The following CDH18 variants were observed in gnomAD, a reference collection of about 807,000 sequenced individuals.
The protein encoded by CDH18 is cadherin-18.
A neutral mutation model predicts 67.9 loss-of-function variants in CDH18; 31 were observed. The ratio of observed to expected loss-of-function variants is 0.46; its 90% CI spans 0.34 to 0.62. The LOEUF is 0.62. CDH18 is among the 20% of genes least tolerant of loss of function. The pLI, the probability that CDH18 is intolerant of heterozygous loss-of-function variation, is 0.01. For missense variants in CDH18, 890 were observed against 975.5 expected (o/e 0.91, Z 1.17); for synonymous variants, 362 against 347.2 (o/e 1.04, Z -0.48).
intron 4 of CDH18, among the ~76,000 whole-genome samples, chr5:19,741,330 TCACACACACACACA>T (rs60803879): frequency 1.4e-5 from 2 of 145,656 alleles, no homozygotes; most frequent in African/African-American, 5.1e-5. Context: ...TATACATGTC[TCACACACACACACA>T]CACACACACA....
At chr5:19,733,169 T>C (rs1163005180) in intron 4 of CDH18, among the ~76,000 whole-genome samples, 4 of 152,090 alleles carry the variant, frequency 2.6e-5, no homozygotes, top group African/African-American at 9.7e-5. Flanking sequence ...CCAAAGACAG[T>C]TCAAAGCCTG....
intron 1 of CDH18, among the ~76,000 whole-genome samples, chr5:20,563,242 C>T (rs187030928): frequency 1.0e-3 from 156 of 151,996 alleles, no homozygotes; most frequent in African/African-American, 3.5e-3. Flanking sequence ...TTGGTGTCAA[C>T]GGAAATGTTG....
At chr5:20,170,837 T>C (rs11955556) in intron 2 of CDH18, among the ~76,000 whole-genome samples, 10,774 of 152,072 alleles carry the variant, frequency 0.071, 433 homozygotes, top group East Asian at 0.14. Context: ...TCTTTTTTTT[T>C]CTGCTCCTCT....
At chr5:19,666,577 A>G (rs963108324) in intron 5 of CDH18, among the ~76,000 whole-genome samples, 5 of 152,056 alleles carry the variant, frequency 3.3e-5, no homozygotes, top group African/African-American at 4.8e-5. Context: ...GAATCTGGAC[A>G]GGTTGAACTT....
intron 2 of CDH18, among the ~76,000 whole-genome samples, chr5:19,891,367 A>G (rs970724181): frequency 6.6e-6 from 1 of 152,184 alleles, no homozygotes; most frequent in Non-Finnish European, 1.5e-5. Context: ...TCAAAGGTTC[A>G]TGACTAAGAG....
At chr5:20,021,306 T>C (rs1738400144) in intron 2 of CDH18, among the ~76,000 whole-genome samples, 1 of 152,138 alleles carries the variant, frequency 6.6e-6, no homozygotes, top group African/African-American at 2.4e-5. Context: ...AAGTTAATGC[T>C]GAAATGAGTT....
At chr5:20,333,125 T>C (rs187623655) in intron 1 of CDH18, among the ~76,000 whole-genome samples, 3 of 152,232 alleles carry the variant, frequency 2.0e-5, no homozygotes, top group East Asian at 1.9e-4. Flanking sequence ...ATAATAGATA[T>C]GAGAATTTAT....
At chr5:19,860,273 A>C (rs569821618) in intron 2 of CDH18, among the ~76,000 whole-genome samples, 1 of 152,216 alleles carries the variant, frequency 6.6e-6, no homozygotes, top group Admixed American at 6.5e-5. Flanking sequence ...CAGTGTTGCT[A>C]ATATGAGCTG....
intron 2 of CDH18, among the ~76,000 whole-genome samples, chr5:19,963,443 C>T (rs538886206): frequency 6.6e-6 from 1 of 152,164 alleles, no homozygotes; most frequent in East Asian, 1.9e-4. Flanking sequence ...CCCCACTTGT[C>T]ATGGGAGGGA....
intron 2 of CDH18, among the ~76,000 whole-genome samples, chr5:20,158,001 T>C (rs1199370095): frequency 3.3e-5 from 5 of 152,186 alleles, no homozygotes; most frequent in East Asian, 1.9e-4. Flanking sequence ...CCTTTCACTC[T>C]CTACTTCCAT....
chr5:20,543,464 G>T (rs1757166644), intron 1 of CDH18, among the ~76,000 whole-genome samples: 1 of 151,862 alleles, frequency 6.6e-6, no homozygotes, highest in African/African-American at 2.4e-5. Flanking sequence ...TCTTTATTTT[G>T]CCACTCCTTC....
At chr5:19,781,796 A>ATGCC (rs1775145735) in intron 3 of CDH18, among the ~76,000 whole-genome samples, 1 of 152,144 alleles carries the variant, frequency 6.6e-6, no homozygotes, top group Non-Finnish European at 1.5e-5. Flanking sequence ...GATTGGTGGC[A>ATGCC]GTCCCTTGTC....
rs965355054 is a variant in CDH18, at chr5:20,553,603, T to TGA, written c.-580+21858_-580+21859insTC. Reference sequence around the variant, plus strand: ...TGTTCCCAGGAAGATGGACTACAGATTAGATGTCCCATGTAACAGCAGGCT... The same window carrying TGA: ...TGTTCCCAGGAAGATGGACTACAGATGATAGATGTCCCATGTAACAGCAGGCT... On this transcript the variant is annotated intron_variant, in intron 1 of 14. Coordinates refer to the CDH18 transcript ENST00000507958. Among the ~76,000 whole-genome samples the TGA allele has an allele frequency of 2.0e-5, 3 of 152,160 alleles. No homozygotes were observed. In the East Asian group the frequency reaches 5.8e-4, roughly 29 times the overall value.
At chr5:19,575,741 T>C (rs1357714721) in intron 7 of CDH18, among the ~76,000 whole-genome samples, 1 of 152,140 alleles carries the variant, frequency 6.6e-6, no homozygotes, top group Non-Finnish European at 1.5e-5. Flanking sequence ...ACAACAGAAA[T>C]TACCTTGAAG....
At chr5:19,912,496 C>T (rs1791262099) in intron 2 of CDH18, among the ~76,000 whole-genome samples, 1 of 152,146 alleles carries the variant, frequency 6.6e-6, no homozygotes, top group South Asian at 2.1e-4. Context: ...AAACCATTTT[C>T]TGAACAAAAC....
chr5:19,665,672 C>T (rs1020587939), intron 5 of CDH18, among the ~76,000 whole-genome samples: 2 of 151,820 alleles, frequency 1.3e-5, no homozygotes, highest in East Asian at 3.9e-4. Flanking sequence ...AGGGTATTAA[C>T]ATAAAAAAGG....
At chr5:19,960,586 T>TGTATATATATATATACACACC (rs1796712376) in intron 2 of CDH18, among the ~76,000 whole-genome samples, 1 of 132,740 alleles carries the variant, frequency 7.5e-6, no homozygotes, top group African/African-American at 3.4e-5. Flanking sequence ...TGTGTGTGTG[T>TGTATATATATATATACACACC]GTGTATATAT....
intron 2 of CDH18, among the ~76,000 whole-genome samples, chr5:20,057,420 TATTA>T (rs1742091606): frequency 6.6e-6 from 1 of 152,212 alleles, no homozygotes; most frequent in African/African-American, 2.4e-5. Context: ...GTACTGAAAT[TATTA>T]ATTCATATGA....
At chr5:19,864,478 T>C (rs2149994400) in intron 2 of CDH18, among the ~76,000 whole-genome samples, 1 of 151,952 alleles carries the variant, frequency 6.6e-6, no homozygotes, top group African/African-American at 2.4e-5. Context: ...TGTATACATA[T>C]GTAACTAACC....
Sources: allele counts gnomAD v4.1 joint callset (sites outside exome capture counted in the v4.1 genomes callset), GRCh38; gene constraint gnomAD v4.1.1; transcripts MANE v1.5; gene names NCBI Gene and HGNC (gene_info 2026-07-23, HGNC 2026-07-21).